The following GOPC variants were observed in gnomAD, a reference collection of about 807,000 sequenced individuals.
GOPC encodes the protein golgi associated PDZ and coiled-coil motif containing.
GOPC carries 32 observed loss-of-function variants against 51.2 expected under a neutral mutation model. The ratio of observed to expected loss-of-function variants is 0.63; its 90% CI spans 0.47 to 0.84. The LOEUF (loss-of-function observed/expected upper bound fraction) is 0.84, where lower values mean the gene tolerates loss of function less well. GOPC is among the 40% of genes least tolerant of loss of function. The probability of loss-of-function intolerance (pLI) is 0.00; values close to 1 mark genes in which losing one functional copy is unlikely to be tolerated. For missense variants in GOPC, 441 were observed against 555.5 expected (o/e 0.79, Z 2.07); for synonymous variants, 190 against 205.1 (o/e 0.93, Z 0.63).
chr6:117,576,661 A>C (rs1446921801), intron 3 of GOPC, among the ~76,000 whole-genome samples: 1 of 152,224 alleles, frequency 6.6e-6, no homozygotes, highest in South Asian at 2.1e-4. Flanking sequence ...CTGGGGTTTT[A>C]ATGATTCAAA....
chr6:117,581,725 CT>C (rs1429234734), intron 1 of GOPC, among the ~76,000 whole-genome samples: 1 of 152,226 alleles, frequency 6.6e-6, no homozygotes, highest in African/African-American at 2.4e-5. Flanking sequence ...ATTCATTCTA[CT>C]TTCCCTCAAC....
At chr6:117,592,771 G>A (rs905240232) in intron 1 of GOPC, among the ~76,000 whole-genome samples, 3 of 152,138 alleles carry the variant, frequency 2.0e-5, no homozygotes, top group Non-Finnish European at 2.9e-5. Context: ...GGAGGGATAC[G>A]ATTCAACCCA....
At chr6:117,590,589 A>T (rs1243300713) in intron 1 of GOPC, among the ~76,000 whole-genome samples, 2 of 151,822 alleles carry the variant, frequency 1.3e-5, no homozygotes, top group East Asian at 3.9e-4. Context: ...AAAAAAAAAA[A>T]AAAAGATAAA....
At chr6:117,586,627 G>T (rs867474703) in intron 1 of GOPC, among the ~76,000 whole-genome samples, 18 of 151,612 alleles carry the variant, frequency 1.2e-4, no homozygotes, top group African/African-American at 4.1e-4. Context: ...GACTACAGGT[G>T]CCCACCACCA....
At chr6:117,601,479 G>A (rs1029728633) in intron 1 of GOPC, among the ~76,000 whole-genome samples, 1 of 152,156 alleles carries the variant, frequency 6.6e-6, no homozygotes, top group Non-Finnish European at 1.5e-5. Flanking sequence ...CCGAGACAGT[G>A]ATACTATCGT....
chr6:117,577,457 C>T lies in GOPC; in HGVS notation c.465G>A (p.Val155=). Residue 155 remains valine, a synonymous_variant, in exon 3 of 9, where the codon GTG becomes GTA. Coordinates refer to ENST00000368498, the MANE Select transcript of GOPC (RefSeq NM_020399.4). ...GAAACAATATACTTACCAGCTCCTC[C>T]ACAGAGGGGCCAGACTTCAGATATA... ...TIKAKLSGPS[V]EELERELEAN... 6.2e-7 allele frequency: 1 copy of T among 1,605,232 alleles called. No homozygotes were observed. Among genetic ancestry groups the T allele is most frequent in the Non-Finnish European group, 8.5e-7 (1 of 1,175,862 alleles).
intron 1 of GOPC, among the ~76,000 whole-genome samples, chr6:117,580,028 G>A (rs1418268846): frequency 6.6e-6 from 1 of 152,004 alleles, no homozygotes; most frequent in Non-Finnish European, 1.5e-5. Context: ...CTTAAAGAAG[G>A]GAAGTAAGAA....
chr6:117,580,120 T>C (rs210643), intron 1 of GOPC, among the ~76,000 whole-genome samples: 121,830 of 151,970 alleles, frequency 0.8, 49,517 homozygotes, highest in African/African-American at 0.95. Context: ...TAATGAAATA[T>C]AGACATGGGA....
At chr6:117,569,256 G>A (rs1250989382) in intron 7 of GOPC, among the ~76,000 whole-genome samples, 1 of 152,074 alleles carries the variant, frequency 6.6e-6, no homozygotes, top group East Asian at 1.9e-4. Flanking sequence ...TTCAGTCTCA[G>A]GTCCTGTTCT....
intron 8 of GOPC, among the ~76,000 whole-genome samples, chr6:117,565,404 G>A (rs1488292871): frequency 6.6e-6 from 1 of 152,144 alleles, no homozygotes; most frequent in Non-Finnish European, 1.5e-5. Flanking sequence ...ATTTGACAAT[G>A]TGGAATTTGA....
intron 1 of GOPC, among the ~76,000 whole-genome samples, chr6:117,599,292 T>C (rs893948785): frequency 2.6e-5 from 4 of 152,222 alleles, no homozygotes; most frequent in Admixed American, 2.6e-4. Context: ...TATGTCTTAA[T>C]GTCCATATAA....
intron 1 of GOPC, among the ~76,000 whole-genome samples, chr6:117,595,027 A>C (rs1458467030): frequency 2.0e-5 from 3 of 152,176 alleles, no homozygotes; most frequent in African/African-American, 7.2e-5. Context: ...CAAAATGAGG[A>C]CAGCTACTCA....
chr6:117,571,737 C>A (rs1779810778), intron 5 of GOPC, among the ~76,000 whole-genome samples: 1 of 152,032 alleles, frequency 6.6e-6, no homozygotes, highest in Non-Finnish European at 1.5e-5. Flanking sequence ...CTGTGGTCAC[C>A]AGTAATCAAT....
At chr6:117,590,422 A>T (rs1281653373) in intron 1 of GOPC, among the ~76,000 whole-genome samples, 1 of 151,898 alleles carries the variant, frequency 6.6e-6, no homozygotes, top group Non-Finnish European at 1.5e-5. Context: ...ATTACCAAGA[A>T]TTAGCTGGGC....
intron 3 of GOPC, among the ~76,000 whole-genome samples, chr6:117,576,597 GAGC>G (rs1779883968): frequency 1.3e-5 from 2 of 152,140 alleles, no homozygotes; most frequent in Admixed American, 1.3e-4. Flanking sequence ...TTACTTTAAT[GAGC>G]TATTTATACT....
intron 1 of GOPC, among the ~76,000 whole-genome samples, chr6:117,593,072 G>A (rs887264244): frequency 2.6e-5 from 4 of 152,206 alleles, no homozygotes; most frequent in African/African-American, 7.2e-5. Context: ...AGTACAGACC[G>A]GTTGCACCAT....
chr6:117,576,859 T>G (rs776058195), intron 3 of GOPC, among the ~76,000 whole-genome samples: 6 of 152,098 alleles, frequency 3.9e-5, no homozygotes, highest in Admixed American at 6.5e-5. Context: ...AGATTATATC[T>G]TCAAAAGAGG....
chr6:117,592,786 A>T (rs191612251), intron 1 of GOPC, among the ~76,000 whole-genome samples: 1 of 152,180 alleles, frequency 6.6e-6, no homozygotes, highest in Non-Finnish European at 1.5e-5. Flanking sequence ...AACCCACTAC[A>T]GATACTGATC....
intron 1 of GOPC, among the ~76,000 whole-genome samples, chr6:117,583,019 G>A (rs920805284): frequency 6.6e-5 from 10 of 152,038 alleles, no homozygotes; most frequent in Non-Finnish European, 1.3e-4. Context: ...CCTTGGGATC[G>A]CAGGCACCCA....
Sources: gnomAD v4.1 joint callset for allele counts (sites outside exome capture counted in the v4.1 genomes callset) on GRCh38, gnomAD v4.1.1 for gene constraint, MANE v1.5 for transcripts, NCBI Gene and HGNC (gene_info 2026-07-23, HGNC 2026-07-21) for gene names.